PITPNC1: variants seen among roughly 807,000 people sequenced by gnomAD.
PITPNC1 encodes phosphatidylinositol transfer protein cytoplasmic 1.
A neutral mutation model predicts 44.7 loss-of-function variants in PITPNC1; 18 were observed. That is an observed-to-expected ratio of 0.40 (90% CI 0.28 to 0.60). The LOEUF (loss-of-function observed/expected upper bound fraction) is 0.60. Among genes scored for constraint, PITPNC1 ranks in the 20% least tolerant of loss-of-function variants. The probability of loss-of-function intolerance (pLI) is 0.39; values close to 1 mark genes in which losing one functional copy is unlikely to be tolerated. For missense variants in PITPNC1, 290 were observed against 418.4 expected, an observed-to-expected ratio of 0.69 and a Z score of 2.68; for synonymous variants, 141 against 149.6, an observed-to-expected ratio of 0.94 and a Z score of 0.42.
chr17:67,395,427 G>A (rs1051012218), intron 1 of PITPNC1, among the ~76,000 whole-genome samples: 1 of 152,096 alleles, frequency 6.6e-6, no homozygotes, highest in Non-Finnish European at 1.5e-5. Flanking sequence ...GGGATTACAG[G>A]TGAGAGCCAC....
At chr17:67,378,800 C>A (rs1206237301) in intron 1 of PITPNC1, among the ~76,000 whole-genome samples, 1 of 152,196 alleles carries the variant, frequency 6.6e-6, no homozygotes, top group Admixed American at 6.5e-5. Flanking sequence ...CTTTCGCAAA[C>A]CGCCTGGCTC....
At chr17:67,425,191 G>GCA (rs1567984580) in intron 1 of PITPNC1, among the ~76,000 whole-genome samples, 2 of 38,640 alleles carry the variant, frequency 5.2e-5, no homozygotes, top group African/African-American at 4.8e-4. Flanking sequence ...TGTTGTGCGC[G>GCA]CGCACGCACA....
intron 4 of PITPNC1, among the ~76,000 whole-genome samples, chr17:67,573,989 A>G (rs1208825799): frequency 6.6e-6 from 1 of 152,192 alleles, no homozygotes; most frequent in Non-Finnish European, 1.5e-5. Context: ...GTCTCTTTTC[A>G]TTATATTTTT....
intron 4 of PITPNC1, among the ~76,000 whole-genome samples, chr17:67,564,953 A>G (rs927721178): frequency 2.6e-5 from 4 of 152,116 alleles, no homozygotes; most frequent in South Asian, 2.1e-4. Context: ...TAGTTTTTCA[A>G]TGTTTTTCAG....
intron 1 of PITPNC1, among the ~76,000 whole-genome samples, chr17:67,402,727 C>T (rs1316829270): frequency 2.0e-5 from 3 of 152,120 alleles, no homozygotes; most frequent in African/African-American, 2.4e-5. Context: ...AGTGCAGTGG[C>T]GCAATCGCTG....
rs2039925221 is a variant in PITPNC1, at chr17:67,495,037, G to GTTTTTTTTTTT, written c.49-37763_49-37762insTTTTTTTTTTT. Among the ~76,000 whole-genome samples the GTTTTTTTTTTT allele has an allele frequency of 1.1e-4, 9 of 79,376 alleles. 1 individual carries two copies. Among genetic ancestry groups the GTTTTTTTTTTT allele is most frequent in the African/African-American group, 2.4e-4 (5 of 20,994 alleles). The allele number at this position is 79,376 out of a possible 152,430, so 52.1% of individuals were successfully genotyped here. A position where few individuals can be genotyped will look rare whatever the true frequency, so the allele number is the denominator to read the frequency against. On this transcript the variant is annotated intron_variant, in intron 1 of 8. Coordinates refer to ENST00000581322, the MANE Select transcript of PITPNC1 (RefSeq NM_012417.4). The stretch of plus-strand genomic sequence containing the variant: ...AACTTTGGCAATATTGAGCCATGGA[G>GTTTTTTTTTTT]TTGTTTTTTTTTTTGTTTTTTTTTT...
At chr17:67,489,205 A>G (rs1169738790) in intron 1 of PITPNC1, among the ~76,000 whole-genome samples, 1 of 150,466 alleles carries the variant, frequency 6.6e-6, no homozygotes, top group African/African-American at 2.4e-5. Context: ...AGGAGTACTT[A>G]CTGGGCTGGA....
intron 2 of PITPNC1, among the ~76,000 whole-genome samples, chr17:67,537,996 G>A (rs2040553278): frequency 6.6e-6 from 1 of 151,582 alleles, no homozygotes; most frequent in African/African-American, 2.4e-5. Context: ...AAAAGAACTG[G>A]AGGAGATATT....
At chr17:67,486,091 G>A (rs936669872) in intron 1 of PITPNC1, among the ~76,000 whole-genome samples, 1 of 152,126 alleles carries the variant, frequency 6.6e-6, no homozygotes, top group Non-Finnish European at 1.5e-5. Context: ...GAGTTATTAA[G>A]CATTAAATTC....
At chr17:67,495,035 G>C (rs1385962819) in intron 1 of PITPNC1, among the ~76,000 whole-genome samples, 2 of 107,084 alleles carry the variant, frequency 1.9e-5, no homozygotes, top group African/African-American at 6.7e-5. Context: ...TTGAGCCATG[G>C]AGTTGTTTTT....
intron 6 of PITPNC1, among the ~76,000 whole-genome samples, chr17:67,641,093 G>C (rs1009685529): frequency 6.6e-6 from 1 of 152,180 alleles, no homozygotes; most frequent in African/African-American, 2.4e-5. Context: ...CATTCACACA[G>C]TCATGTGTGA....
chr17:67,526,031 C>T (rs1375869736), intron 1 of PITPNC1, among the ~76,000 whole-genome samples: 1 of 152,154 alleles, frequency 6.6e-6, no homozygotes, highest in Non-Finnish European at 1.5e-5. Context: ...TTGAGGTCCC[C>T]AGGCGGGGAT....
intron 1 of PITPNC1, among the ~76,000 whole-genome samples, chr17:67,431,764 G>C (rs1166600644): frequency 5.3e-5 from 8 of 152,166 alleles, no homozygotes; most frequent in Admixed American, 5.2e-4. Flanking sequence ...ACATCTCCAT[G>C]TATTTTCTGT....
At chr17:67,558,394 T>C (rs1002593206) in intron 4 of PITPNC1, among the ~76,000 whole-genome samples, 8 of 151,846 alleles carry the variant, frequency 5.3e-5, no homozygotes, top group Non-Finnish European at 8.8e-5. Context: ...CTGAAGTTGG[T>C]AAAGTCTGCA....
chr17:67,405,073 C>G (rs1257557976), intron 1 of PITPNC1, among the ~76,000 whole-genome samples: 3 of 151,960 alleles, frequency 2.0e-5, no homozygotes, highest in African/African-American at 7.3e-5. Flanking sequence ...ATGGTGAAAC[C>G]CTGTGTCTAC....
rs2042954710 is a variant in PITPNC1 at position 67,692,841 on chromosome 17, C to A, written c.952C>A (p.Pro318Thr). The A allele has an allele frequency of 6.2e-7, 1 of 1,613,560 alleles. No homozygotes were observed. Among genetic ancestry groups the A allele is most frequent in the Admixed American group, 1.7e-5 (1 of 60,000 alleles). ...TGAGAAAAAAGCCACCCTGAATTTA[C>A]CCGGCATGCACTCTTCAGATAAGCC... ...DPEKKATLNL[P>T]GMHSSDKPCR... Residue 318 changes from proline (P) to threonine (T), a missense_variant, in exon 9 of 9, where the codon CCC becomes ACC. Transcript: ENST00000581322.
At chr17:67,620,540 C>T (rs920981930) in intron 5 of PITPNC1, among the ~76,000 whole-genome samples, 1 of 151,964 alleles carries the variant, frequency 6.6e-6, no homozygotes, top group African/African-American at 2.4e-5. Flanking sequence ...ATAGGCTTGT[C>T]GCCACCTCAC....
At chr17:67,415,125 C>A (rs1263327115) in intron 1 of PITPNC1, among the ~76,000 whole-genome samples, 1 of 152,076 alleles carries the variant, frequency 6.6e-6, no homozygotes, top group East Asian at 1.9e-4. Context: ...AGCCATCCAC[C>A]CTCCTCAGCT....
intron 1 of PITPNC1, among the ~76,000 whole-genome samples, chr17:67,490,219 C>T (rs2039844545): frequency 6.7e-6 from 1 of 148,514 alleles, no homozygotes; most frequent in Non-Finnish European, 1.5e-5. Flanking sequence ...AATGAGGATG[C>T]ATTATGTAAC....
Sources: gnomAD v4.1 joint callset for allele counts (sites outside exome capture counted in the v4.1 genomes callset) on GRCh38, gnomAD v4.1.1 for gene constraint, MANE v1.5 for transcripts, NCBI Gene and HGNC (gene_info 2026-07-23, HGNC 2026-07-21) for gene names.